The following PDE8B variants were observed in gnomAD, a reference collection of about 807,000 sequenced individuals.
PDE8B encodes the protein high affinity cAMP-specific and IBMX-insensitive 3',5'-cyclic phosphodiesterase 8B.
PDE8B carries 26 observed loss-of-function variants against 101.3 expected under a neutral mutation model. The observed-to-expected ratio is 0.26, with a 90% CI of 0.19 to 0.36. The LOEUF is 0.36. Ranked by LOEUF, PDE8B falls within the 10% of genes least tolerant of loss-of-function variation. The pLI is 1.00. For missense variants in PDE8B, 810 were observed against 1,163.1 expected (o/e 0.70, Z 4.42); for synonymous variants, 424 against 429.3 (o/e 0.99, Z 0.15).
chr5:77,231,660 C>G (rs1442135120), intron 1 of PDE8B, among the ~76,000 whole-genome samples: 1 of 152,216 alleles, frequency 6.6e-6, no homozygotes, highest in Non-Finnish European at 1.5e-5. Flanking sequence ...AGCTCACCCC[C>G]AGATGGTTCT....
intron 6 of PDE8B, among the ~76,000 whole-genome samples, chr5:77,341,888 A>G (rs964859910): frequency 6.6e-6 from 1 of 152,232 alleles, no homozygotes; most frequent in African/African-American, 2.4e-5. Flanking sequence ...AGCAATTTAA[A>G]TAAGAAAATA....
chr5:77,391,747 C>T (rs973604852), intron 10 of PDE8B, among the ~76,000 whole-genome samples: 47 of 152,296 alleles, frequency 3.1e-4, no homozygotes, highest in African/African-American at 9.4e-4. Flanking sequence ...GCAGAGGATA[C>T]GCAAGAAAGG....
At chr5:77,201,261 T>G in the PDE8B span, among the ~76,000 whole-genome samples, 28 of 152,236 alleles carry the variant, frequency 1.8e-4, no homozygotes, top group African/African-American at 6.0e-4. Flanking sequence ...AACTGTTTAC[T>G]TAGCCACCCT....
At chr5:77,413,491 G>GCCCT (rs1279749177) in intron 17 of PDE8B, among the ~76,000 whole-genome samples, 182 bp downstream of exon 17, 2 of 152,082 alleles carry the variant, frequency 1.3e-5, no homozygotes, top group Non-Finnish European at 2.9e-5. Flanking sequence ...CTTTCTGCCA[G>GCCCT]CCCTCCCCTC....
intron 1 of PDE8B, among the ~76,000 whole-genome samples, chr5:77,271,432 G>A (rs1580711368): frequency 6.6e-6 from 1 of 152,204 alleles, no homozygotes; most frequent in East Asian, 1.9e-4. Context: ...AAATGGTTAA[G>A]GAGTTGGGGA....
the PDE8B span, among the ~76,000 whole-genome samples, chr5:77,163,171 G>A: frequency 6.6e-6 from 1 of 152,198 alleles, no homozygotes; most frequent in African/African-American, 2.4e-5. Context: ...TGATAGAAAT[G>A]AGGGTCAGAA....
the PDE8B span, among the ~76,000 whole-genome samples, chr5:77,194,651 T>C: frequency 6.6e-6 from 1 of 152,188 alleles, no homozygotes; most frequent in African/African-American, 2.4e-5. Context: ...TCTCTGTCTC[T>C]GGATTTGCCT....
Position 77,413,261 on chromosome 5 carries a change from C to A in PDE8B, c.1863C>A (p.Ala621=). ...CCTACCACAACTCCACCCATGCTGC[C>A]GACGTCCTGCACGCCACCGCTTTCT... ...SNAYHNSTHA[A]DVLHATAFFL... The change falls in exon 17 of 22, where the codon GCC becomes GCA. Residue 621 remains alanine, a synonymous_variant. Transcript: ENST00000264917. 6.2e-7 allele frequency: 1 copy of A among 1,614,038 alleles called. No homozygotes were observed. The highest frequency in any genetic ancestry group is 8.5e-7 in the Non-Finnish European group (1 of 1,179,984).
At chr5:77,234,417 C>T (rs549758121) in intron 1 of PDE8B, among the ~76,000 whole-genome samples, 1 of 152,230 alleles carries the variant, frequency 6.6e-6, no homozygotes, top group East Asian at 1.9e-4. Flanking sequence ...AGAGAAGGGG[C>T]CCTCCTCCCC....
intron 1 of PDE8B, among the ~76,000 whole-genome samples, chr5:77,267,124 T>C (rs1215871860): frequency 6.6e-6 from 1 of 152,098 alleles, no homozygotes; most frequent in East Asian, 1.9e-4. Flanking sequence ...TCTTACTTCC[T>C]GGAGGTTTAG....
the PDE8B span, among the ~76,000 whole-genome samples, chr5:77,099,990 A>C: frequency 0.24 from 36,322 of 152,196 alleles, 4,804 homozygotes; most frequent in Admixed American, 0.35. Context: ...TATGGAAATC[A>C]TCAGCAAGGC....
intron 2 of PDE8B, 52 bp downstream of exon 2, chr5:77,312,105 C>CTTT (rs11395504): frequency 1.9e-3 from 1,687 of 869,258 alleles, no homozygotes; most frequent in East Asian, 4.2e-3. Context: ...TTTTTTTTTT[C>CTTT]TTTTTTTTTT....
the PDE8B span, among the ~76,000 whole-genome samples, chr5:77,095,958 G>A: frequency 8.5e-5 from 13 of 152,110 alleles, no homozygotes; most frequent in African/African-American, 3.1e-4. Context: ...TATTGGTGTG[G>A]AAAAGCATTG....
chr5:77,426,143 C>T (rs974476828), intron 21 of PDE8B: 10 of 596,016 alleles, frequency 1.7e-5, no homozygotes, highest in Admixed American at 1.4e-4. Flanking sequence ...CTTCAAAGGA[C>T]ACGCTGCCAA....
At chr5:77,165,159 C>T in the PDE8B span, among the ~76,000 whole-genome samples, 2 of 152,152 alleles carry the variant, frequency 1.3e-5, no homozygotes, top group African/African-American at 2.4e-5. Flanking sequence ...ACAGTCTCAC[C>T]ATACAAATCT....
At chr5:77,307,280 A>G (rs1379718978) in intron 1 of PDE8B, among the ~76,000 whole-genome samples, 14 of 151,910 alleles carry the variant, frequency 9.2e-5, no homozygotes, top group Non-Finnish European at 1.2e-4. Flanking sequence ...TCGTCCCCCT[A>G]TTCTTCACCA....
chr5:77,390,429 A>G (rs1365891022), intron 10 of PDE8B, among the ~76,000 whole-genome samples: 1 of 152,244 alleles, frequency 6.6e-6, no homozygotes, highest in Non-Finnish European at 1.5e-5. Flanking sequence ...AGCAGTATTC[A>G]CATTGCACAA....
intron 10 of PDE8B, among the ~76,000 whole-genome samples, chr5:77,371,868 G>C (rs1455464230): frequency 1.3e-5 from 2 of 152,106 alleles, no homozygotes; most frequent in East Asian, 3.9e-4. Context: ...TGATTTCTAA[G>C]TTCATTTTCT....
intron 4 of PDE8B, among the ~76,000 whole-genome samples, chr5:77,330,727 A>C (rs1776959829): frequency 6.6e-6 from 1 of 152,036 alleles, no homozygotes; most frequent in East Asian, 1.9e-4. Context: ...TGGCTGTCTC[A>C]GACACTGTTT....
Sources: gnomAD v4.1 joint callset for allele counts (sites outside exome capture counted in the v4.1 genomes callset) on GRCh38, gnomAD v4.1.1 for gene constraint, MANE v1.5 for transcripts, NCBI Gene and HGNC (gene_info 2026-07-23, HGNC 2026-07-21) for gene names.